Variants in SLC40A1 observed in about 807,000 individuals in gnomAD.
SLC40A1 encodes solute carrier family 40 member 1, also known as ferroportin.
SLC40A1 carries 16 observed loss-of-function variants against 53.5 expected under a neutral mutation model. The ratio of observed to expected loss-of-function variants is 0.30; its 90% CI spans 0.20 to 0.45. SLC40A1 has a LOEUF of 0.45. SLC40A1 is among the 20% of genes least tolerant of loss of function. The pLI is 1.00. For missense variants in SLC40A1, 545 were observed against 695.4 expected (o/e 0.78, Z 2.43); for synonymous variants, 247 against 253.2 (o/e 0.98, Z 0.23).
chr2:189,572,798 T>C (rs2031171932), intron 4 of SLC40A1, 48 bp downstream of exon 4: 5 of 1,312,064 alleles, frequency 3.8e-6, no homozygotes. Flanking sequence ...CCTTTACCAC[T>C]ACCAGATATT....
intron 5 of SLC40A1, among the ~76,000 whole-genome samples, chr2:189,571,097 T>TA (rs1444142629): frequency 6.6e-6 from 1 of 152,200 alleles, no homozygotes; most frequent in African/African-American, 2.4e-5. Context: ...TGTTGCCTTG[T>TA]AAGCATTCTT....
At chr2:189,575,466 G>T (rs1048454468) in intron 2 of SLC40A1, 146 bp from the exon 3 acceptor site, 26 of 747,286 alleles carry the variant, frequency 3.5e-5, no homozygotes, top group African/African-American at 1.7e-5. Context: ...ATTGAATACT[G>T]CTCAGATGTT....
chr2:189,568,528 TA>T lies in SLC40A1; in HGVS notation c.515-2930del, dbSNP rs568201396. Among the ~76,000 whole-genome samples, 585 of 152,266 alleles carry T rather than the reference TA, an allele frequency of 3.8e-3. 1 individual carries two copies. Among genetic ancestry groups the T allele is most frequent in the African/African-American group, 0.014 (565 of 41,560 alleles). ...CTTAATCATCTTACTGGTAGCAGGC[TA>T]GAAAAGAATCAGTCTTATGAATATG... is the stretch of plus-strand genomic sequence containing the variant. On this transcript the variant is annotated intron_variant, in intron 5 of 7. Transcript: ENST00000261024.
rs2105637491 is a variant in SLC40A1, at chr2:189,580,690, G to A, written c.-230C>T. 1 of 1,469,960 alleles carries A rather than the reference G, an allele frequency of 6.8e-7. No individual in the cohort carries two copies. The highest frequency in any genetic ancestry group is 9.0e-7 in the Non-Finnish European group (1 of 1,113,292). 91.1% of individuals were successfully genotyped at this position (1,469,960 alleles called of 1,614,324 possible). Reference sequence around the variant, plus strand: ...TTAGCTAACACTGTAGCTGAAGTTGGAAAGGCAAAGCCTTATGGAAGCGGT... The same window carrying A: ...TTAGCTAACACTGTAGCTGAAGTTGAAAAGGCAAAGCCTTATGGAAGCGGT... On this transcript the variant is annotated 5_prime_UTR_variant, in exon 1 of 8. Coordinates refer to ENST00000261024, the MANE Select transcript of SLC40A1 (RefSeq NM_014585.6).
intron 4 of SLC40A1, 157 bp downstream of exon 4, chr2:189,572,689 A>G: frequency 1.5e-6 from 1 of 653,444 alleles, no homozygotes; most frequent in Non-Finnish European, 2.7e-6. Context: ...GGGCAAAACA[A>G]CAACAAAACA....
intron 5 of SLC40A1, among the ~76,000 whole-genome samples, chr2:189,568,405 C>T (rs979016056): frequency 1.3e-5 from 2 of 152,086 alleles, no homozygotes; most frequent in South Asian, 2.1e-4. Flanking sequence ...AGGAGAATGG[C>T]GTGAACCCAG....
chr2:189,580,315 T>A, intron 1 of SLC40A1, 103 bp downstream of exon 1: 4 of 1,171,380 alleles, frequency 3.4e-6, no homozygotes. Context: ...TACAAAGCTA[T>A]GGTTCACAGC....
chr2:189,578,140 T>C (rs2031349256), intron 2 of SLC40A1: 1 of 887,176 alleles, frequency 1.1e-6, no homozygotes, highest in Non-Finnish European at 1.4e-6. Flanking sequence ...ACACACATAA[T>C]ACAGAAACAT....
In SLC40A1 at chr2:189,565,391, T is replaced by A. The variant is rs770392046; in HGVS notation, c.723A>T (p.Glu241Asp). 2 of 1,614,142 alleles carry A rather than the reference T, an allele frequency of 1.2e-6. No homozygotes were observed. The highest frequency in any genetic ancestry group is 2.7e-5 in the African/African-American group (2 of 74,950). Residue 241 changes from glutamate to aspartate, a missense_variant, in exon 6 of 8, where the codon GAA becomes GAT. By Grantham distance (45) the Glu-to-Asp change is conservative. Transcript: ENST00000261024. ...PALAVKAGLK[E>D]EETELKQLNL... Reference sequence around the variant, plus strand: ...TCAGCTGTTTCAATTCAGTTTCCTCTTCTTTAAGACCAGCTTTCACAGCTA... The same window carrying A: ...TCAGCTGTTTCAATTCAGTTTCCTCATCTTTAAGACCAGCTTTCACAGCTA...
chr2:189,572,753 G>T (rs1439245327), intron 4 of SLC40A1, 93 bp downstream of exon 4: 2 of 851,746 alleles, frequency 2.3e-6, no homozygotes, highest in Non-Finnish European at 3.9e-6. Flanking sequence ...AGGTCACACT[G>T]GCCAAAAAAA....
chr2:189,568,503 C>G (rs1317125296), intron 5 of SLC40A1, among the ~76,000 whole-genome samples: 2 of 152,004 alleles, frequency 1.3e-5, no homozygotes, highest in Admixed American at 1.3e-4. Context: ...AAAAAAAAGA[C>G]TTAATCATCT....
At chr2:189,562,238 T>C in intron 7 of SLC40A1, 47 bp from the exon 8 acceptor site, 1 of 1,406,044 alleles carries the variant, frequency 7.1e-7, no homozygotes, top group South Asian at 1.3e-5. Context: ...TTTACAGGCA[T>C]ACATTTCAAA....
chr2:189,570,112 G>GTA (rs2031081384), intron 5 of SLC40A1, among the ~76,000 whole-genome samples: 1 of 149,490 alleles, frequency 6.7e-6, no homozygotes, highest in Non-Finnish European at 1.5e-5. Context: ...ATATATATGT[G>GTA]TATATATATG....
At chr2:189,580,233 A>C (rs911923910) in intron 1 of SLC40A1, among the ~76,000 whole-genome samples, 185 bp downstream of exon 1, 7 of 152,196 alleles carry the variant, frequency 4.6e-5, no homozygotes, top group Admixed American at 4.6e-4. Context: ...GCCTGTGTGC[A>C]AACCCCTTTT....
chr2:189,565,432 G>C lies in SLC40A1; in HGVS notation c.682C>G (p.Gln228Glu). ...TTCACAGCTAGAGCTGGGGTTTTCT[G>C]GTAAACCTTCCAGAGCAGAACGTAC... ...VEYVLLWKVY[Q>E]KTPALAVKAG... The change falls in exon 6 of 8, where the codon CAG becomes GAG. Residue 228 changes from glutamine to glutamate, a missense_variant. Coordinates refer to ENST00000261024, the MANE Select transcript of SLC40A1 (RefSeq NM_014585.6). 1 of 1,614,208 alleles carries C rather than the reference G, an allele frequency of 6.2e-7. No homozygotes were observed. The highest frequency in any genetic ancestry group is 8.5e-7 in the Non-Finnish European group (1 of 1,180,038).
intron 3 of SLC40A1, among the ~76,000 whole-genome samples, chr2:189,574,279 A>T (rs985229698): frequency 2.0e-5 from 3 of 152,070 alleles, no homozygotes; most frequent in Non-Finnish European, 4.4e-5. Context: ...AAAGAAGTAA[A>T]TTTTTTTCTA....
At chr2:189,566,272 C>T (rs962503884) in intron 5 of SLC40A1, among the ~76,000 whole-genome samples, 22 of 152,086 alleles carry the variant, frequency 1.4e-4, no homozygotes, top group Admixed American at 1.1e-3. Context: ...AAAAGGAGAA[C>T]GATAAGGGCA....
Position 189,580,693 on chromosome 2 carries a change from A to G in SLC40A1, c.-233T>C. ...GCTAACACTGTAGCTGAAGTTGGAA[A>G]GGCAAAGCCTTATGGAAGCGGTTTG... is the stretch of plus-strand genomic sequence containing the variant. On this transcript the variant is annotated 5_prime_UTR_variant, in exon 1 of 8. Transcript: ENST00000261024. 9 of 1,464,230 alleles carry G rather than the reference A, an allele frequency of 6.1e-6. No individual in the cohort carries two copies. Among genetic ancestry groups the G allele is most frequent in the South Asian group, 1.3e-5 (1 of 76,296 alleles). 90.7% of individuals were successfully genotyped at this position (1,464,230 alleles called of 1,614,324 possible).
chr2:189,561,578 C>A lies in SLC40A1; in HGVS notation c.*300G>T, dbSNP rs2030739531. ...ATGATAACTGAATTCACGTGACTAACCACTCTTTTACGTAAGATTGTATCT... is the reference window on the plus strand; with the variant it reads ...ATGATAACTGAATTCACGTGACTAAACACTCTTTTACGTAAGATTGTATCT... On this transcript the variant is annotated 3_prime_UTR_variant, in exon 8 of 8. Coordinates refer to ENST00000261024, the MANE Select transcript of SLC40A1 (RefSeq NM_014585.6). 3.0e-6 allele frequency: 1 copy of A among 330,780 alleles called. No individual in the cohort carries two copies. 20.5% of individuals were successfully genotyped at this position (330,780 alleles called of 1,614,324 possible).
Sources: gnomAD v4.1 joint callset for allele counts (sites outside exome capture counted in the v4.1 genomes callset) on GRCh38, gnomAD v4.1.1 for gene constraint, MANE v1.5 for transcripts, NCBI Gene and HGNC (gene_info 2026-07-23, HGNC 2026-07-21) for gene names.